Variants in TENM4 observed in about 807,000 individuals in gnomAD.
The protein encoded by TENM4 is teneurin transmembrane protein 4.
A neutral mutation model predicts 243.3 loss-of-function variants in TENM4; 82 were observed. The ratio of observed to expected loss-of-function variants is 0.34; its 90% CI spans 0.28 to 0.40. The LOEUF is 0.40. TENM4 is among the 10% of genes least tolerant of loss of function. The pLI is 1.00. For synonymous variants in TENM4, 1,412 were observed against 1,456.3 expected (o/e 0.97, Z 0.69); for missense variants, 3,138 against 3,673.3 (o/e 0.85, Z 3.77).
chr11:79,299,178 G>T (rs141952159), intron 1 of TENM4, among the ~76,000 whole-genome samples: 2 of 152,300 alleles, frequency 1.3e-5, no homozygotes, highest in East Asian at 3.9e-4. Context: ...CCAACTCCCA[G>T]TGGTGCCCCT....
intron 3 of TENM4, among the ~76,000 whole-genome samples, chr11:79,191,962 G>T (rs556627842): frequency 1.3e-3 from 190 of 149,744 alleles, no homozygotes; most frequent in African/African-American, 4.6e-3. Context: ...TCAGCCCCCC[G>T]CCCAGCCAGC....
chr11:79,322,056 G>A (rs946352384), intron 1 of TENM4, among the ~76,000 whole-genome samples: 6 of 152,160 alleles, frequency 3.9e-5, no homozygotes, highest in African/African-American at 1.4e-4. Flanking sequence ...GAAACAGGGA[G>A]GGCTCACCTT....
At chr11:78,775,679 G>A (rs186396076) in intron 17 of TENM4, among the ~76,000 whole-genome samples, 20 of 152,136 alleles carry the variant, frequency 1.3e-4, no homozygotes, top group African/African-American at 4.8e-4. Flanking sequence ...ACCCACTGAG[G>A]CTAGTTCCGC....
intron 12 of TENM4, among the ~76,000 whole-genome samples, chr11:78,839,485 C>G (rs1858200912): frequency 6.6e-6 from 1 of 151,936 alleles, no homozygotes; most frequent in Non-Finnish European, 1.5e-5. Flanking sequence ...TTTGGAAAAG[C>G]TATCTTGTGC....
At chr11:78,798,620 T>C (rs1264209340) in intron 15 of TENM4, among the ~76,000 whole-genome samples, 2 of 152,188 alleles carry the variant, frequency 1.3e-5, no homozygotes, top group Non-Finnish European at 2.9e-5. Flanking sequence ...GGATCCTGCC[T>C]ACCTCTGGCC....
rs554803077 is a variant in TENM4 at position 79,073,911 on chromosome 11, G to C, written c.-65-3902C>G. Among the ~76,000 whole-genome samples, 23 of 152,308 alleles carry C rather than the reference G, an allele frequency of 1.5e-4. No individual in the cohort carries two copies. In the South Asian group the frequency reaches 4.8e-3, roughly 32 times the overall value. ...TACGGGTAAGTGTCAGTTATAACTG[G>C]GGAAGGGGCATCCCCTCAGAAGCAT... On this transcript the variant is annotated intron_variant, in intron 4 of 33. Transcript: ENST00000278550.
chr11:78,752,749 G>A (rs554051557), intron 19 of TENM4, among the ~76,000 whole-genome samples: 2 of 152,014 alleles, frequency 1.3e-5, no homozygotes, highest in Non-Finnish European at 2.9e-5. Flanking sequence ...ACTGACAGCT[G>A]GCTGGCAAGA....
chr11:78,805,028 T>A (rs2136084184), intron 15 of TENM4, among the ~76,000 whole-genome samples: 1 of 152,294 alleles, frequency 6.6e-6, no homozygotes, highest in African/African-American at 2.4e-5. Flanking sequence ...GAAACACATC[T>A]GTAATTATAA....
intron 6 of TENM4, among the ~76,000 whole-genome samples, chr11:78,979,633 A>T (rs1224892886): frequency 6.6e-6 from 1 of 152,218 alleles, no homozygotes; most frequent in Non-Finnish European, 1.5e-5. Flanking sequence ...AGAACAGCTT[A>T]TGCCAAGGCT....
chr11:79,199,117 A>T (rs1215312360), intron 3 of TENM4, among the ~76,000 whole-genome samples: 1 of 152,126 alleles, frequency 6.6e-6, no homozygotes, highest in Non-Finnish European at 1.5e-5. Flanking sequence ...TCATTATACA[A>T]ATACTCGTGG....
rs148191503 is a variant in TENM4, at chr11:78,780,102, G to A, written c.2366-1474C>T. Among the ~76,000 whole-genome samples, 695 of 152,274 alleles carry A rather than the reference G, an allele frequency of 4.6e-3. 4 individuals carry two copies. Among genetic ancestry groups the A allele is most frequent in the African/African-American group, 0.015 (640 of 41,550 alleles). On this transcript the variant is annotated intron_variant, in intron 16 of 33. Transcript: ENST00000278550. ...ACAGATGTCGTGGAGTCCATGAGATGCAGGATACAAGATAGGAACATGAAA... is the reference window on the plus strand; with the variant it reads ...ACAGATGTCGTGGAGTCCATGAGATACAGGATACAAGATAGGAACATGAAA...
At chr11:78,939,288 G>A (rs1045094208) in intron 6 of TENM4, among the ~76,000 whole-genome samples, 1 of 152,232 alleles carries the variant, frequency 6.6e-6, no homozygotes, top group Non-Finnish European at 1.5e-5. Flanking sequence ...AGGCAGAGCT[G>A]ACCATGTCAG....
intron 2 of TENM4, among the ~76,000 whole-genome samples, chr11:79,280,647 GC>G (rs1393705452): frequency 1.3e-5 from 2 of 152,210 alleles, no homozygotes; most frequent in Non-Finnish European, 2.9e-5. Context: ...CTGCCTCCAA[GC>G]CTGTGGCTCC....
Position 78,778,612 on chromosome 11 carries a change from C to T in TENM4, c.2382G>A (p.Arg794=), listed in dbSNP as rs1856783407. 9.9e-6 allele frequency: 16 copies of T among 1,612,072 alleles called. No individual in the cohort carries two copies. Among genetic ancestry groups the T allele is most frequent in the African/African-American group, 1.3e-5 (1 of 74,962 alleles). Residue 794 remains arginine, a synonymous_variant, in exon 17 of 34, where the codon AGG becomes AGA. Coordinates refer to ENST00000278550, the MANE Select transcript of TENM4 (RefSeq NM_001098816.3). ...GAAGGAAGACCATACCTTTAACTAC[C>T]CTATCCAGATAGTGAGCTAGGGAGA... ...EHCTIAHYLD[R]VVKEGCPGLC...
chr11:79,386,273 G>C (rs572673263), intron 1 of TENM4, among the ~76,000 whole-genome samples: 2 of 152,082 alleles, frequency 1.3e-5, no homozygotes, highest in Admixed American at 6.5e-5. Context: ...ATTCCAAATG[G>C]GCCACAAACC....
intron 6 of TENM4, chr11:79,021,582 C>T (rs1303253752): frequency 6.6e-6 from 1 of 152,228 alleles, no homozygotes; most frequent in Non-Finnish European, 1.5e-5. Context: ...TACCTTTTCA[C>T]TTCTGATCTG....
intron 16 of TENM4, among the ~76,000 whole-genome samples, chr11:78,781,250 C>T (rs757007135): frequency 1.3e-5 from 2 of 152,160 alleles, no homozygotes; most frequent in Non-Finnish European, 2.9e-5. Flanking sequence ...GCAAGCTTTG[C>T]ATTATGAAAG....
intron 6 of TENM4, among the ~76,000 whole-genome samples, chr11:78,953,887 A>G (rs1857157290): frequency 6.6e-6 from 1 of 152,192 alleles, no homozygotes; most frequent in South Asian, 2.1e-4. Flanking sequence ...CAGAGAGGTG[A>G]AGCAAATTGC....
At chr11:78,695,522 C>T (rs1290767254) in intron 28 of TENM4, among the ~76,000 whole-genome samples, 2 of 152,110 alleles carry the variant, frequency 1.3e-5, no homozygotes, top group African/African-American at 4.8e-5. Context: ...CACCACCATG[C>T]CCAGCTAATT....
Sources: allele counts gnomAD v4.1 joint callset (sites outside exome capture counted in the v4.1 genomes callset), GRCh38; gene constraint gnomAD v4.1.1; transcripts MANE v1.5; gene names NCBI Gene and HGNC (gene_info 2026-07-23, HGNC 2026-07-21).